The following CDC5L variants were observed in gnomAD, a reference collection of about 807,000 sequenced individuals.
CDC5L encodes cell division cycle 5 like, also known as cell division cycle 5-like protein.
CDC5L carries 18 observed loss-of-function variants against 104.1 expected under a neutral mutation model. That is an observed-to-expected ratio of 0.17 (90% CI 0.12 to 0.26). CDC5L has a LOEUF of 0.26. CDC5L is among the 10% of genes least tolerant of loss of function. The pLI is 1.00. For missense variants in CDC5L, 673 were observed against 956.9 expected, an observed-to-expected ratio of 0.70 and a Z score of 3.91; for synonymous variants, 331 against 322.7, an observed-to-expected ratio of 1.03 and a Z score of -0.28.
At chr6:44,396,003 T>G (rs1289692079) in intron 4 of CDC5L, among the ~76,000 whole-genome samples, 1 of 152,246 alleles carries the variant, frequency 6.6e-6, no homozygotes, top group Non-Finnish European at 1.5e-5. Flanking sequence ...AGCCACTGTT[T>G]AATGAATGCT....
At chr6:44,439,860 A>G (rs1793100712) in intron 14 of CDC5L, among the ~76,000 whole-genome samples, 1 of 152,190 alleles carries the variant, frequency 6.6e-6, no homozygotes, top group Non-Finnish European at 1.5e-5. Flanking sequence ...GGAGACACAT[A>G]GGTTAAATAA....
intron 8 of CDC5L, among the ~76,000 whole-genome samples, chr6:44,417,688 A>G (rs1791967401): frequency 6.6e-6 from 1 of 152,238 alleles, no homozygotes; most frequent in Non-Finnish European, 1.5e-5. Context: ...TAAAGAGAAC[A>G]TGGTCAGTTC....
At chr6:44,437,991 C>G (rs886433585) in intron 14 of CDC5L, among the ~76,000 whole-genome samples, 4 of 152,158 alleles carry the variant, frequency 2.6e-5, no homozygotes, top group African/African-American at 9.7e-5. Flanking sequence ...TCTCTGTTGA[C>G]CAGGCTGGAG....
intron 9 of CDC5L, among the ~76,000 whole-genome samples, chr6:44,421,988 C>A (rs889261542): frequency 1.3e-5 from 2 of 152,110 alleles, no homozygotes; most frequent in African/African-American, 4.8e-5. Flanking sequence ...GGCAGCATCA[C>A]CGTTCTGCAA....
Position 44,426,666 on chromosome 6 carries a change from A to C in CDC5L, c.1835A>C (p.His612Pro), listed in dbSNP as rs753273895. Residue 612 changes from histidine to proline, a missense_variant, in exon 13 of 16, where the codon CAC becomes CCC. Coordinates refer to ENST00000371477, the MANE Select transcript of CDC5L (RefSeq NM_001253.4). ...TVGFGTNNSE[H>P]ITYLEHNPYE... Reference sequence around the variant, plus strand: ...GGGTTTGGTACCAATAATTCAGAGCACATTACCTATCTGGAACATAATCCT... The same window carrying C: ...GGGTTTGGTACCAATAATTCAGAGCCCATTACCTATCTGGAACATAATCCT... 6.2e-7 allele frequency: 1 copy of C among 1,612,866 alleles called. No homozygotes were observed.
chr6:44,423,399 C>T (rs761061465), intron 10 of CDC5L, among the ~76,000 whole-genome samples: 1 of 152,116 alleles, frequency 6.6e-6, no homozygotes, highest in Non-Finnish European at 1.5e-5. Flanking sequence ...TAAAGATGTC[C>T]TTTGTCCTAA....
chr6:44,390,957 T>C (rs1008117646), intron 2 of CDC5L, among the ~76,000 whole-genome samples: 1 of 130,460 alleles, frequency 7.7e-6, no homozygotes. Context: ...TATTATATAT[T>C]AAACATATTT....
At chr6:44,387,946 G>GGA in intron 1 of CDC5L, 78 bp downstream of exon 1, 1 of 1,397,654 alleles carries the variant, frequency 7.2e-7, no homozygotes, top group East Asian at 2.5e-5. Flanking sequence ...AGGTCGGGGG[G>GGA]GCGACGAGGA....
At chr6:44,408,267 GTTT>G in intron 7 of CDC5L, among the ~76,000 whole-genome samples, 174 bp from the exon 8 acceptor site, 1 of 138,336 alleles carries the variant, frequency 7.2e-6, no homozygotes, top group African/African-American at 2.6e-5. Flanking sequence ...TAAAATGTTG[GTTT>G]TTTTTTTTTT....
At chr6:44,432,403 T>C (rs1468725270) in intron 14 of CDC5L, among the ~76,000 whole-genome samples, 2 of 152,128 alleles carry the variant, frequency 1.3e-5, no homozygotes, top group Admixed American at 6.6e-5. Flanking sequence ...TGGCTGCCAG[T>C]GTGTTTGATT....
chr6:44,429,262 C>T (rs942981218), intron 13 of CDC5L, among the ~76,000 whole-genome samples: 3 of 152,188 alleles, frequency 2.0e-5, no homozygotes, highest in South Asian at 2.1e-4. Context: ...CCTCGTTATC[C>T]GCCCACCTCA....
chr6:44,440,708 C>CTTTT (rs372146196), intron 14 of CDC5L, among the ~76,000 whole-genome samples: 10 of 130,982 alleles, frequency 7.6e-5, no homozygotes, highest in Admixed American at 2.3e-4. Flanking sequence ...ATTTAAAATC[C>CTTTT]TTTTTTTTTT....
Position 44,424,279 on chromosome 6 carries a change from A to C in CDC5L, c.1405-140A>C, listed in dbSNP as rs11572012. 8.2e-3 allele frequency: 5,942 copies of C among 725,274 alleles called. 138 individuals are homozygous for C. The highest frequency in any genetic ancestry group is 0.037 in the South Asian group (1,842 of 50,080). The allele number at this position is 725,274 out of a possible 1,614,324, so 44.9% of individuals were successfully genotyped here. A position where few individuals can be genotyped will look rare whatever the true frequency, so the allele number is the denominator to read the frequency against. On this transcript the variant is annotated intron_variant, in intron 10 of 15. Transcript: ENST00000371477. ...TTAACCTTTGTGTTTGAAACCATCC[A>C]ATTATTCTTAGTTATTTTAAAATGT...
At chr6:44,406,136 A>G (rs563933506) in intron 6 of CDC5L, among the ~76,000 whole-genome samples, 187 bp from the exon 7 acceptor site, 10 of 152,246 alleles carry the variant, frequency 6.6e-5, no homozygotes, top group African/African-American at 2.4e-4. Context: ...TCCTGACCTC[A>G]GGTAATCCAC....
intron 5 of CDC5L, among the ~76,000 whole-genome samples, chr6:44,400,863 A>G (rs1228669963): frequency 6.6e-6 from 1 of 152,172 alleles, no homozygotes; most frequent in Non-Finnish European, 1.5e-5. Flanking sequence ...TGTTTTCAAC[A>G]ATGTCCTGGG....
rs535698705 is a variant in CDC5L at position 44,388,492 on chromosome 6, GTC to G, written c.45+628_45+629del. Among the ~76,000 whole-genome samples the G allele has an allele frequency of 3.7e-3, 562 of 152,254 alleles. 3 individuals carry two copies. Among genetic ancestry groups the G allele is most frequent in the African/African-American group, 0.012 (517 of 41,528 alleles). On this transcript the variant is annotated intron_variant, in intron 1 of 15. Transcript: ENST00000371477. ...AGAAAGGAAAAACTGGCCTAGGATAGTCTCTGTTTCCAGAAACGTAGTGGATA... is the reference window on the plus strand; with the variant it reads ...AGAAAGGAAAAACTGGCCTAGGATAGTCTGTTTCCAGAAACGTAGTGGATA...
In CDC5L at chr6:44,443,672, A is replaced by G. The variant is rs140453255; in HGVS notation, c.2092-1983A>G. 2.0e-3 allele frequency among the ~76,000 whole-genome samples: 305 copies of G among 150,510 alleles called. 1 individual carries two copies. Among genetic ancestry groups the G allele is most frequent in the Middle Eastern group, 0.017 (5 of 292 alleles). On this transcript the variant is annotated intron_variant, in intron 14 of 15. Coordinates refer to ENST00000371477, the MANE Select transcript of CDC5L (RefSeq NM_001253.4). ...TTCAGTTTTGGTATTTTTCAGATCT[A>G]TGTTTTCTCATTGATACTTTTTAAT...
chr6:44,392,105 T>A (rs1472774371), intron 2 of CDC5L, among the ~76,000 whole-genome samples: 1 of 152,218 alleles, frequency 6.6e-6, no homozygotes, highest in African/African-American at 2.4e-5. Context: ...TAAGTCCTGT[T>A]TGCCTGCCTG....
intron 14 of CDC5L, among the ~76,000 whole-genome samples, chr6:44,439,091 A>T (rs919544097): frequency 6.6e-6 from 1 of 152,176 alleles, no homozygotes; most frequent in Non-Finnish European, 1.5e-5. Context: ...GATATTTCAC[A>T]TAAGTGGAAT....
Sources: allele counts gnomAD v4.1 joint callset (sites outside exome capture counted in the v4.1 genomes callset), GRCh38; gene constraint gnomAD v4.1.1; transcripts MANE v1.5; gene names NCBI Gene and HGNC (gene_info 2026-07-23, HGNC 2026-07-21).